CRACDL: variants seen among roughly 807,000 people sequenced by gnomAD.
CRACDL encodes the protein CRACD-like protein.
Under a neutral mutation model 70.6 loss-of-function variants are expected in CRACDL, and 26 were observed. That is an observed-to-expected ratio of 0.37 (90% CI 0.27 to 0.51). The LOEUF (loss-of-function observed/expected upper bound fraction) is 0.51, where lower values mean the gene tolerates loss of function less well. CRACDL is among the 20% of genes least tolerant of loss of function. The pLI, the probability that CRACDL is intolerant of heterozygous loss-of-function variation, is 0.94. For missense variants in CRACDL, 1,283 were observed against 1,376.9 expected, an observed-to-expected ratio of 0.93 and a Z score of 1.08; for synonymous variants, 618 against 615.2, an observed-to-expected ratio of 1.00 and a Z score of -0.07.
chr2:98,897,905 G>A (rs922965081), intron 1 of CRACDL, among the ~76,000 whole-genome samples: 3 of 152,224 alleles, frequency 2.0e-5, no homozygotes, highest in Non-Finnish European at 1.5e-5. Context: ...CCACTGTGAG[G>A]TTCAGCGGCT....
intron 3 of CRACDL, among the ~76,000 whole-genome samples, chr2:98,837,721 T>G (rs1056773568): frequency 5.9e-5 from 9 of 152,058 alleles, no homozygotes; most frequent in African/African-American, 2.2e-4. Context: ...AATATTCTGA[T>G]TAGATTACTT....
chr2:98,932,550 G>A (rs1410251972), intron 1 of CRACDL, among the ~76,000 whole-genome samples: 3 of 152,154 alleles, frequency 2.0e-5, no homozygotes, highest in East Asian at 1.9e-4. Context: ...AAATAGGAAC[G>A]GTGGTTTGGA....
chr2:98,837,787 G>C (rs1983353), intron 3 of CRACDL, among the ~76,000 whole-genome samples: 15,144 of 151,906 alleles, frequency 0.1, 893 homozygotes, highest in South Asian at 0.22. Flanking sequence ...GTCCTCAAAA[G>C]AGTTTTAAGT....
At chr2:98,918,725 C>T (rs4851177) in intron 1 of CRACDL, among the ~76,000 whole-genome samples, 77,493 of 151,774 alleles carry the variant, frequency 0.51, 21,376 homozygotes, top group African/African-American at 0.71. Context: ...GTTGATCATT[C>T]GTGTGTCTTC....
At chr2:98,900,702 G>A (rs2104655874) in intron 1 of CRACDL, among the ~76,000 whole-genome samples, 1 of 152,160 alleles carries the variant, frequency 6.6e-6, no homozygotes, top group East Asian at 1.9e-4. Context: ...CAGCTCCTTG[G>A]TCCCAAGAGA....
chr2:98,879,535 C>T (rs561179368), intron 1 of CRACDL, among the ~76,000 whole-genome samples: 1 of 152,094 alleles, frequency 6.6e-6, no homozygotes. Context: ...ATCATTCTAG[C>T]CTCTGTATTT....
intron 1 of CRACDL, among the ~76,000 whole-genome samples, chr2:98,934,684 G>A (rs1709166145): frequency 6.6e-6 from 1 of 152,126 alleles, no homozygotes; most frequent in Non-Finnish European, 1.5e-5. Flanking sequence ...TCGTGGAGGA[G>A]GTCCAGAATC....
chr2:98,922,297 G>A (rs1452004350), intron 1 of CRACDL, among the ~76,000 whole-genome samples: 3 of 151,720 alleles, frequency 2.0e-5, no homozygotes, highest in South Asian at 2.1e-4. Flanking sequence ...CCCATGCACC[G>A]GGCATGGTGG....
chr2:98,883,695 C>T (rs1012141375), intron 1 of CRACDL, among the ~76,000 whole-genome samples: 1 of 152,140 alleles, frequency 6.6e-6, no homozygotes. Flanking sequence ...AACCCGAGCC[C>T]GGGTAGAACA....
chr2:98,842,571 C>T (rs1706076848), intron 2 of CRACDL, among the ~76,000 whole-genome samples: 1 of 152,060 alleles, frequency 6.6e-6, no homozygotes. Flanking sequence ...CCAACATTCC[C>T]CGCTACCTTT....
Position 98,861,898 on chromosome 2 carries a change from G to A in CRACDL, c.-10-15088C>T, listed in dbSNP as rs535375825. ...TTGCAGAAGCCAGTGTAAGCAAAAG[G>A]GACCCTGTCCTCCAAACACTAGGGA... On this transcript the variant is annotated intron_variant, in intron 1 of 9. Transcript: ENST00000397899. Among the ~76,000 whole-genome samples the A allele has an allele frequency of 2.0e-5, 3 of 152,230 alleles. No individual in the cohort carries two copies. The South Asian group carries it at 6.2e-4, about 32-fold the overall frequency.
intron 1 of CRACDL, among the ~76,000 whole-genome samples, chr2:98,878,029 C>A (rs2104610156): frequency 6.6e-6 from 1 of 151,822 alleles, no homozygotes; most frequent in South Asian, 2.1e-4. Flanking sequence ...TCACTGCAAC[C>A]TCTGCCCCCC....
At chr2:98,869,976 C>T (rs1707286104) in intron 1 of CRACDL, among the ~76,000 whole-genome samples, 1 of 152,144 alleles carries the variant, frequency 6.6e-6, no homozygotes, top group Non-Finnish European at 1.5e-5. Context: ...CACACCCTCC[C>T]AAAAATCACC....
chr2:98,896,452 CA>C (rs1231534006), intron 1 of CRACDL, among the ~76,000 whole-genome samples: 2 of 151,898 alleles, frequency 1.3e-5, no homozygotes, highest in East Asian at 1.9e-4. Flanking sequence ...GAGAGTGGCC[CA>C]AAAAAAATCC....
intron 1 of CRACDL, among the ~76,000 whole-genome samples, chr2:98,918,541 A>G (rs1205103060): frequency 4.8e-5 from 2 of 41,976 alleles, no homozygotes; most frequent in South Asian, 1.4e-3. Context: ...TTGTCTACCA[A>G]AAAAAAAAAA....
intron 1 of CRACDL, among the ~76,000 whole-genome samples, chr2:98,927,706 T>C (rs1708968232): frequency 6.6e-6 from 1 of 152,190 alleles, no homozygotes; most frequent in Non-Finnish European, 1.5e-5. Flanking sequence ...TATTGTCATG[T>C]TAACTAACTG....
intron 1 of CRACDL, among the ~76,000 whole-genome samples, chr2:98,913,750 A>C (rs1708599096): frequency 6.6e-6 from 1 of 152,178 alleles, no homozygotes; most frequent in Non-Finnish European, 1.5e-5. Context: ...ACACGCTCTG[A>C]GCCTCCCCAG....
At chr2:98,869,350 G>C in intron 1 of CRACDL, 1 of 1,080,562 alleles carries the variant, frequency 9.3e-7, no homozygotes, top group Non-Finnish European at 1.2e-6. Flanking sequence ...CGGGTGCACA[G>C]GCACACAGCA....
intron 7 of CRACDL, among the ~76,000 whole-genome samples, chr2:98,814,550 G>C (rs970693464): frequency 6.6e-6 from 1 of 151,998 alleles, no homozygotes. Context: ...CAATTCTTTC[G>C]AATTTAATAA....
Sources: gnomAD v4.1 joint callset for allele counts (sites outside exome capture counted in the v4.1 genomes callset) on GRCh38, gnomAD v4.1.1 for gene constraint, MANE v1.5 for transcripts, NCBI Gene and HGNC (gene_info 2026-07-23, HGNC 2026-07-21) for gene names.